The following PABPC4L variants were observed in gnomAD, a reference collection of about 807,000 sequenced individuals.
PABPC4L encodes polyadenylate-binding protein 4-like.
For missense variants in PABPC4L, 452 were observed against 451.4 expected, an observed-to-expected ratio of 1.00 and a Z score of -0.01; for synonymous variants, 169 against 164.1, an observed-to-expected ratio of 1.03 and a Z score of -0.23.
the PABPC4L span, among the ~76,000 whole-genome samples, chr4:134,006,457 A>G: frequency 2.6e-5 from 4 of 151,914 alleles, no homozygotes; most frequent in South Asian, 4.1e-4. Flanking sequence ...TGTCCCAAGC[A>G]TATGCTACCT....
At chr4:133,991,191 C>CG in the PABPC4L span, among the ~76,000 whole-genome samples, 2 of 152,090 alleles carry the variant, frequency 1.3e-5, no homozygotes, top group Non-Finnish European at 2.9e-5. Flanking sequence ...CCCCCAGGAG[C>CG]GGGGGTCTAT....
chr4:134,033,166 A>C, the PABPC4L span, among the ~76,000 whole-genome samples: 1 of 151,598 alleles, frequency 6.6e-6, no homozygotes, highest in Non-Finnish European at 1.5e-5. Context: ...AAATTTTTTC[A>C]TCGCTATTAT....
At chr4:134,079,279 A>G in the PABPC4L span, among the ~76,000 whole-genome samples, 2 of 150,894 alleles carry the variant, frequency 1.3e-5, no homozygotes, top group African/African-American at 2.4e-5. Flanking sequence ...CTGTTTTGTA[A>G]CATTTTAAAA....
At chr4:134,127,631 G>C in the PABPC4L span, among the ~76,000 whole-genome samples, 13 of 152,016 alleles carry the variant, frequency 8.6e-5, no homozygotes, top group Non-Finnish European at 1.3e-4. Context: ...AGCACCCGTG[G>C]GACAAAAGAT....
the PABPC4L span, among the ~76,000 whole-genome samples, chr4:134,018,400 T>C: frequency 1.3e-5 from 2 of 152,158 alleles, no homozygotes; most frequent in African/African-American, 2.4e-5. Flanking sequence ...ATGTGCAGGT[T>C]TGTTATATAG....
chr4:134,126,884 C>G, the PABPC4L span, among the ~76,000 whole-genome samples: 1 of 152,064 alleles, frequency 6.6e-6, no homozygotes, highest in Admixed American at 6.6e-5. Flanking sequence ...GGGGCAAGTT[C>G]TCAGCCCTGC....
the PABPC4L span, among the ~76,000 whole-genome samples, chr4:134,177,912 T>C: frequency 1.3e-5 from 2 of 151,974 alleles, no homozygotes; most frequent in Non-Finnish European, 2.9e-5. Flanking sequence ...CAGGCAACAC[T>C]TGCTAGAATT....
chr4:134,056,396 A>C, the PABPC4L span, among the ~76,000 whole-genome samples: 1 of 151,970 alleles, frequency 6.6e-6, no homozygotes, highest in Non-Finnish European at 1.5e-5. Context: ...TTTTGAAGGG[A>C]AAAGCATTAA....
the PABPC4L span, among the ~76,000 whole-genome samples, chr4:133,977,495 T>G: frequency 6.6e-6 from 1 of 152,288 alleles, no homozygotes; most frequent in Non-Finnish European, 1.5e-5. Flanking sequence ...ATCTACAAAT[T>G]GTTTTGGGCA....
chr4:134,194,283 G>A (rs564303367), downstream of PABPC4L, among the ~76,000 whole-genome samples: 20 of 151,794 alleles, frequency 1.3e-4, no homozygotes, highest in East Asian at 3.5e-3. Flanking sequence ...TAAAATTAAG[G>A]GAGAGTATTC....
the PABPC4L span, among the ~76,000 whole-genome samples, chr4:134,120,374 TTG>T: frequency 2.0e-5 from 3 of 149,696 alleles, no homozygotes; most frequent in African/African-American, 7.3e-5. Context: ...TAATTTAATA[TTG>T]TGTGTATTTA....
the PABPC4L span, among the ~76,000 whole-genome samples, chr4:134,013,936 G>A: frequency 1.5e-4 from 23 of 152,056 alleles, 1 homozygote; most frequent in East Asian, 2.9e-3. Context: ...GTTTCATTCC[G>A]TGACTAGCCC....
At chr4:134,012,694 A>G in the PABPC4L span, among the ~76,000 whole-genome samples, 1 of 152,164 alleles carries the variant, frequency 6.6e-6, no homozygotes, top group African/African-American at 2.4e-5. Flanking sequence ...TCTTTGCTCC[A>G]TGAGAAAGAT....
chr4:134,133,246 A>G, the PABPC4L span, among the ~76,000 whole-genome samples: 1 of 137,484 alleles, frequency 7.3e-6, no homozygotes, highest in Non-Finnish European at 1.5e-5. Context: ...ATATTACATA[A>G]TATTATATAA....
At chr4:134,006,850 C>T in the PABPC4L span, among the ~76,000 whole-genome samples, 1 of 151,448 alleles carries the variant, frequency 6.6e-6, no homozygotes, top group African/African-American at 2.4e-5. Context: ...TTATGTTTTC[C>T]AATCTCAAAG....
At chr4:134,143,955 T>G in the PABPC4L span, among the ~76,000 whole-genome samples, 9 of 151,482 alleles carry the variant, frequency 5.9e-5, no homozygotes, top group Non-Finnish European at 1.2e-4. Context: ...TGAAATGTTC[T>G]AAAAGAAATG....
chr4:134,058,186 T>C, the PABPC4L span, among the ~76,000 whole-genome samples: 1 of 151,946 alleles, frequency 6.6e-6, no homozygotes, highest in African/African-American at 2.4e-5. Context: ...ACTTAAAAAG[T>C]ATTTGGAAAA....
At chr4:134,193,021 A>T (rs1217594835), downstream of PABPC4L, among the ~76,000 whole-genome samples, 1 of 152,102 alleles carries the variant, frequency 6.6e-6, no homozygotes, top group Non-Finnish European at 1.5e-5. Context: ...CCTCTTTAAC[A>T]TAAGTTCTAA....
chr4:134,175,713 T>C, the PABPC4L span, among the ~76,000 whole-genome samples: 6 of 152,154 alleles, frequency 3.9e-5, no homozygotes, highest in African/African-American at 1.4e-4. Flanking sequence ...CTTCCCAAAG[T>C]GCTGGGATTA....
Sources: allele counts gnomAD v4.1 joint callset (sites outside exome capture counted in the v4.1 genomes callset), GRCh38; gene constraint gnomAD v4.1.1; transcripts MANE v1.5; gene names NCBI Gene and HGNC (gene_info 2026-07-23, HGNC 2026-07-21).